Variants in PEAK1 observed in about 807,000 individuals in gnomAD.
The protein encoded by PEAK1 is pseudopodium enriched atypical kinase 1.
A neutral mutation model predicts 124.7 loss-of-function variants in PEAK1; 54 were observed. The ratio of observed to expected loss-of-function variants is 0.43; its 90% CI spans 0.35 to 0.54. The LOEUF is 0.54. Among genes scored for constraint, PEAK1 ranks in the 20% least tolerant of loss-of-function variants. PEAK1 has a pLI of 0.01. For missense variants in PEAK1, 2,046 were observed against 2,134.5 expected, an observed-to-expected ratio of 0.96 and a Z score of 0.82; for synonymous variants, 719 against 760.0, an observed-to-expected ratio of 0.95 and a Z score of 0.89.
intron 1 of PEAK1, among the ~76,000 whole-genome samples, chr15:77,408,006 TACACATATAC>T (rs1567364719): frequency 1.3e-5 from 2 of 150,296 alleles, no homozygotes; most frequent in Non-Finnish European, 3.0e-5. Context: ...TACACACACG[TACACATATAC>T]ACATATATAC....
At chr15:77,350,058 A>G (rs2067113032) in intron 2 of PEAK1, 1 of 985,300 alleles carries the variant, frequency 1.0e-6, no homozygotes, top group African/African-American at 1.7e-5. Context: ...AGCCACCATG[A>G]TAGTTTTCAG....
chr15:77,370,354 T>C (rs2068555377), intron 1 of PEAK1, among the ~76,000 whole-genome samples: 1 of 152,148 alleles, frequency 6.6e-6, no homozygotes, highest in Non-Finnish European at 1.5e-5. Flanking sequence ...TCTTGAAAGT[T>C]GTAATAAATA....
Position 77,127,500 on chromosome 15 carries a change from C to T in PEAK1, c.4077+5505G>A, listed in dbSNP as rs114235988. Reference sequence around the variant, plus strand: ...TTGCTAGAAATATGGATGCTAGGGGCGATTCTGATGAGGTTTCTGATAGTA... The same window carrying T: ...TTGCTAGAAATATGGATGCTAGGGGTGATTCTGATGAGGTTTCTGATAGTA... On this transcript the variant is annotated intron_variant, in intron 9 of 9. Transcript: ENST00000682557. Among the ~76,000 whole-genome samples, 744 of 152,072 alleles carry T rather than the reference C, an allele frequency of 4.9e-3. 1 individual carries two copies. Among genetic ancestry groups the T allele is most frequent in the African/African-American group, 0.014 (561 of 41,460 alleles).
In PEAK1 at chr15:77,179,886, T is replaced by G; in HGVS notation, c.2041A>C (p.Lys681Gln). ...ESKVPDNTTS[K>Q]TTDCLQTKGF... ...TTAGTTTGAAGACAGTCAGTGGTTT[T>G]GCTAGTGGTGTTATCAGGCACTTTG... The change falls in exon 7 of 10, where the codon AAA becomes CAA. Residue 681 changes from lysine (K) to glutamine (Q), a missense_variant. Coordinates refer to ENST00000682557, the MANE Select transcript of PEAK1 (RefSeq NM_001385026.1). The G allele has an allele frequency of 6.2e-7, 1 of 1,614,196 alleles. No homozygotes were observed. Among genetic ancestry groups the G allele is most frequent in the Non-Finnish European group, 8.5e-7 (1 of 1,180,006 alleles).
chr15:77,181,193 A>G lies in PEAK1; in HGVS notation c.734T>C (p.Met245Thr), dbSNP rs201656462. ...ATCCCAACTCTCGTGCTCCTCCTCC[A>G]TGTTACTGAAAAGTACATCCTCTTC... Reference protein sequence around the residue: ...ESEEDVLFSNMEEEHESWDES... With the variant: ...ESEEDVLFSNTEEEHESWDES... Residue 245 changes from methionine (M) to threonine (T), a missense_variant, in exon 7 of 10, where the codon ATG (methionine) becomes ACG (threonine). By Grantham distance (81) the Met-to-Thr change is moderately conservative. Transcript: ENST00000682557. 3.0e-5 allele frequency: 48 copies of G among 1,613,936 alleles called. No homozygotes were observed. Among genetic ancestry groups the G allele is most frequent in the Non-Finnish European group, 3.8e-5 (45 of 1,180,004 alleles).
chr15:77,404,260 TA>T, intron 1 of PEAK1: 9 of 985,410 alleles, frequency 9.1e-6, no homozygotes, highest in Non-Finnish European at 1.1e-5. Flanking sequence ...TTTCTTCTCA[TA>T]CACCTCTCCA....
chr15:77,152,301 G>A (rs1431075314), intron 8 of PEAK1, among the ~76,000 whole-genome samples: 2 of 152,004 alleles, frequency 1.3e-5, no homozygotes, highest in Non-Finnish European at 2.9e-5. Flanking sequence ...TCTGTTATTG[G>A]TGTATAAGAA....
intron 8 of PEAK1, among the ~76,000 whole-genome samples, chr15:77,143,640 C>A (rs1330291866): frequency 2.0e-5 from 3 of 152,320 alleles, no homozygotes; most frequent in Middle Eastern, 3.4e-3. Context: ...TCATGCTGAT[C>A]CTCTTCCAGG....
rs185832900 is a variant in PEAK1, at chr15:77,365,445, A to G, written c.-665-220T>C. Among the ~76,000 whole-genome samples the G allele has an allele frequency of 2.4e-3, 367 of 152,360 alleles. 2 individuals carry two copies. The highest frequency in any genetic ancestry group is 8.2e-3 in the African/African-American group (340 of 41,588). On this transcript the variant is annotated intron_variant, in intron 1 of 9. Transcript: ENST00000682557. The stretch of plus-strand genomic sequence containing the variant: ...GTTGGTATTTCTTGAAATTAAAAGT[A>G]TATCAAAACAGGCCGGGCACGGCGG...
intron 2 of PEAK1, among the ~76,000 whole-genome samples, chr15:77,326,799 G>T (rs1027342325): frequency 6.6e-6 from 1 of 152,052 alleles, no homozygotes; most frequent in Admixed American, 6.6e-5. Context: ...TGACATGTGG[G>T]ATATACATAT....
At chr15:77,238,019 T>A (rs1435958970) in intron 6 of PEAK1, among the ~76,000 whole-genome samples, 1 of 152,186 alleles carries the variant, frequency 6.6e-6, no homozygotes. Context: ...CTATTTCTCA[T>A]GTTTTCTTAT....
intron 9 of PEAK1, among the ~76,000 whole-genome samples, chr15:77,120,144 T>C (rs1264296082): frequency 6.6e-6 from 1 of 152,224 alleles, no homozygotes; most frequent in Non-Finnish European, 1.5e-5. Flanking sequence ...ATTGACCCTT[T>C]TTCCCAAAGG....
At chr15:77,146,457 C>T (rs2054183025) in intron 8 of PEAK1, among the ~76,000 whole-genome samples, 1 of 152,088 alleles carries the variant, frequency 6.6e-6, no homozygotes, top group East Asian at 1.9e-4. Context: ...TTTGTAAGTC[C>T]TCATTAGTGG....
chr15:77,306,406 C>G (rs2064105370), intron 2 of PEAK1, among the ~76,000 whole-genome samples: 1 of 152,018 alleles, frequency 6.6e-6, no homozygotes, highest in African/African-American at 2.4e-5. Flanking sequence ...TTTGGTTTAC[C>G]TGCATACACT....
intron 6 of PEAK1, among the ~76,000 whole-genome samples, chr15:77,182,675 C>T (rs970509493): frequency 1.5e-5 from 2 of 135,968 alleles, no homozygotes; most frequent in African/African-American, 5.4e-5. Context: ...TTGTTTGAGC[C>T]TGGGAGGTGG....
intron 6 of PEAK1, among the ~76,000 whole-genome samples, chr15:77,193,497 G>A (rs1160920852): frequency 1.3e-5 from 2 of 152,084 alleles, no homozygotes; most frequent in East Asian, 1.9e-4. Context: ...GTGGAGATAC[G>A]TGTCCACCGC....
At chr15:77,344,217 T>C (rs1370247278) in intron 2 of PEAK1, among the ~76,000 whole-genome samples, 6 of 152,092 alleles carry the variant, frequency 3.9e-5, no homozygotes, top group Admixed American at 3.9e-4. Flanking sequence ...GCCTCAGCCT[T>C]CTGAGTAGTT....
At chr15:77,291,703 C>T (rs751897354) in intron 2 of PEAK1, among the ~76,000 whole-genome samples, 7 of 152,026 alleles carry the variant, frequency 4.6e-5, no homozygotes, top group Non-Finnish European at 1.0e-4. Context: ...TATGGCCAGG[C>T]GCGGTGGCTC....
intron 1 of PEAK1, among the ~76,000 whole-genome samples, chr15:77,375,019 T>G (rs1349347913): frequency 6.6e-6 from 1 of 152,318 alleles, no homozygotes; most frequent in African/African-American, 2.4e-5. Context: ...GTATTTCAAC[T>G]TTAAGAAAAG....
Sources: allele counts gnomAD v4.1 joint callset (sites outside exome capture counted in the v4.1 genomes callset), GRCh38; gene constraint gnomAD v4.1.1; transcripts MANE v1.5; gene names NCBI Gene and HGNC (gene_info 2026-07-23, HGNC 2026-07-21).